The following SDR16C5 variants were observed in gnomAD, a reference collection of about 807,000 sequenced individuals.
The protein encoded by SDR16C5 is epidermal retinol dehydrogenase 2.
A neutral mutation model predicts 27.7 loss-of-function variants in SDR16C5; 20 were observed. The ratio of observed to expected loss-of-function variants is 0.72; its 90% CI spans 0.51 to 1.05. The LOEUF is 1.05. Ranked by LOEUF, SDR16C5 falls within the 50% of genes least tolerant of loss-of-function variation. SDR16C5 has a pLI of 0.00. For synonymous variants in SDR16C5, 139 were observed against 132.3 expected (o/e 1.05, Z -0.35); for missense variants, 374 against 366.3 (o/e 1.02, Z -0.17).
chr8:56,312,340 A>T, intron 2 of SDR16C5, 52 bp from the exon 3 acceptor site: 1 of 1,520,976 alleles, frequency 6.6e-7, no homozygotes, highest in Non-Finnish European at 9.1e-7. Flanking sequence ...TACATGGGCT[A>T]GGTTTTATTT....
intron 2 of SDR16C5, among the ~76,000 whole-genome samples, chr8:56,314,035 C>T (rs1311258032): frequency 1.3e-5 from 2 of 152,006 alleles, no homozygotes; most frequent in Admixed American, 6.6e-5. Flanking sequence ...GGTGAAACCC[C>T]GTCTCTACTA....
rs746885291 is a variant in SDR16C5 at position 56,301,477 on chromosome 8, T to A, written c.*3A>T. 9 of 1,608,104 alleles carry A rather than the reference T, an allele frequency of 5.6e-6. No individual in the cohort carries two copies. Among genetic ancestry groups the A allele is most frequent in the African/African-American group, 1.3e-5 (1 of 74,818 alleles). ...CAGATGACCTTAGCCATAGAGTTGG[T>A]CTTTAGAGCTTCTTCTTTTGGTCAA... On this transcript the variant is annotated 3_prime_UTR_variant, in exon 7 of 7. Transcript: ENST00000303749.
In SDR16C5 at chr8:56,316,101, T is replaced by C. The variant is rs1815188432; in HGVS notation, c.247A>G (p.Met83Val). Reference protein sequence around the residue: ...NKEGNEETCKMAREAGATRVH... With the variant: ...NKEGNEETCKVAREAGATRVH... ...CTTGTGGCTCCAGCTTCCCGAGCCA[T>C]CTTACATGTTTCCTCATTCCCCTCC... Residue 83 changes from methionine (M) to valine (V), a missense_variant, in exon 2 of 7, where the codon ATG (methionine) becomes GTG (valine). Transcript: ENST00000303749. 2 of 1,614,140 alleles carry C rather than the reference T, an allele frequency of 1.2e-6. No homozygotes were observed. The highest frequency in any genetic ancestry group is 1.7e-6 in the Non-Finnish European group (2 of 1,180,002).
intron 6 of SDR16C5, among the ~76,000 whole-genome samples, chr8:56,302,847 T>G (rs13257889): frequency 6.6e-6 from 1 of 151,460 alleles, no homozygotes; most frequent in Non-Finnish European, 1.5e-5. Flanking sequence ...CTGTGCATAA[T>G]GGTGCACAAC....
chr8:56,311,040 G>A (rs1416430094), intron 3 of SDR16C5, among the ~76,000 whole-genome samples: 1 of 152,200 alleles, frequency 6.6e-6, no homozygotes, highest in Non-Finnish European at 1.5e-5. Context: ...GGGTGGAAAG[G>A]TGTGAGGAGA....
intron 1 of SDR16C5, 111 bp downstream of exon 1, chr8:56,319,948 C>G (rs1323386451): frequency 6.6e-6 from 1 of 152,344 alleles, no homozygotes; most frequent in African/African-American, 2.4e-5. Flanking sequence ...CCCGCGCCCC[C>G]TTGCGAGCGA....
chr8:56,309,299 A>G (rs1814964504), intron 3 of SDR16C5: 4 of 984,598 alleles, frequency 4.1e-6, no homozygotes, highest in Non-Finnish European at 4.8e-6. Context: ...ACACAATATT[A>G]AAACAAGAAT....
chr8:56,316,076 CT>C lies in SDR16C5; in HGVS notation c.271del (p.Arg91GlufsTer18). ...CKMAREAGATRVHAYTCDCSQ... is the reference protein window; with the variant it reads ...CKMAREAGATXVHAYTCDCSQ... ...GCAATCGCAGGTATAGGCGTGCACT[CT>C]TGTGGCTCCAGCTTCCCGAGCCATC... is the stretch of plus-strand genomic sequence containing the variant. On this transcript the variant is annotated frameshift_variant, in exon 2 of 7. Coordinates refer to ENST00000303749, the MANE Select transcript of SDR16C5 (RefSeq NM_138969.4). LOFTEE classifies it high-confidence loss of function. The C allele has an allele frequency of 6.2e-7, 1 of 1,614,148 alleles. No individual in the cohort carries two copies. Among genetic ancestry groups the C allele is most frequent in the Non-Finnish European group, 8.5e-7 (1 of 1,180,018 alleles).
At chr8:56,315,871 G>A (rs1815179470) in intron 2 of SDR16C5, 144 bp downstream of exon 2, 1 of 641,052 alleles carries the variant, frequency 1.6e-6, no homozygotes, top group South Asian at 1.9e-5. Flanking sequence ...CATACAATAA[G>A]AATTCAAAAA....
chr8:56,309,309 T>C (rs1814964870), intron 3 of SDR16C5: 4 of 985,248 alleles, frequency 4.1e-6, no homozygotes, highest in Non-Finnish European at 4.8e-6. Flanking sequence ...AAAACAAGAA[T>C]TGAAGGAGTA....
At chr8:56,314,403 C>T (rs1815134777) in intron 2 of SDR16C5, among the ~76,000 whole-genome samples, 1 of 152,072 alleles carries the variant, frequency 6.6e-6, no homozygotes, top group South Asian at 2.1e-4. Flanking sequence ...AGTCAAGCAC[C>T]TGGGGCAGAA....
At chr8:56,316,456 T>A in intron 1 of SDR16C5, 95 bp from the exon 2 acceptor site, 1 of 742,580 alleles carries the variant, frequency 1.3e-6, no homozygotes, top group Non-Finnish European at 2.2e-6. Flanking sequence ...ACAGTGAAAG[T>A]AACTGAGATA....
intron 5 of SDR16C5, 113 bp from the exon 6 acceptor site, chr8:56,305,835 T>C (rs1814869092): frequency 4.6e-6 from 5 of 1,083,072 alleles, no homozygotes; most frequent in Non-Finnish European, 6.5e-6. Flanking sequence ...CTTATTTCTT[T>C]GCTTTTCAAT....
intron 4 of SDR16C5, among the ~76,000 whole-genome samples, chr8:56,307,278 A>T (rs1202343299): frequency 1.3e-5 from 2 of 152,058 alleles, no homozygotes; most frequent in Non-Finnish European, 2.9e-5. Context: ...TTCCAACTAT[A>T]ACTCTTTCCT....
intron 6 of SDR16C5, chr8:56,304,097 T>C (rs1459928634): frequency 2.8e-6 from 2 of 702,500 alleles, no homozygotes; most frequent in Admixed American, 2.0e-5. Flanking sequence ...GGAAAAATGA[T>C]AGTATGCAAG....
chr8:56,307,399 A>G (rs563417589), intron 4 of SDR16C5, among the ~76,000 whole-genome samples: 1 of 152,270 alleles, frequency 6.6e-6, no homozygotes, highest in East Asian at 1.9e-4. Flanking sequence ...ATTTGTGTCC[A>G]TTTTCAGCTT....
At chr8:56,314,767 C>T (rs1195829255) in intron 2 of SDR16C5, among the ~76,000 whole-genome samples, 2 of 152,144 alleles carry the variant, frequency 1.3e-5, no homozygotes, top group Non-Finnish European at 2.9e-5. Context: ...CTGCCAGGGA[C>T]CTGCAAACCT....
At chr8:56,304,223 T>G in intron 6 of SDR16C5, 2 of 584,500 alleles carry the variant, frequency 3.4e-6, no homozygotes, top group Non-Finnish European at 6.1e-6. Context: ...GTATAATATC[T>G]ATCTTCAAAT....
chr8:56,309,605 A>G, intron 3 of SDR16C5: 5 of 983,930 alleles, frequency 5.1e-6, no homozygotes, highest in Non-Finnish European at 6.0e-6. Flanking sequence ...AAGGTAAAAG[A>G]GACAGAAATG....
Sources: allele counts gnomAD v4.1 joint callset (sites outside exome capture counted in the v4.1 genomes callset), GRCh38; gene constraint gnomAD v4.1.1; transcripts MANE v1.5; gene names NCBI Gene and HGNC (gene_info 2026-07-23, HGNC 2026-07-21).